Variants in NMNAT2 observed in about 807,000 individuals in gnomAD.
NMNAT2 encodes the protein nicotinamide/nicotinic acid mononucleotide adenylyltransferase 2.
A neutral mutation model predicts 41.6 loss-of-function variants in NMNAT2; 11 were observed. The observed-to-expected ratio is 0.26, with a 90% CI of 0.17 to 0.44. The LOEUF is 0.44. Among genes scored for constraint, NMNAT2 ranks in the 20% least tolerant of loss-of-function variants. The pLI is 1.00. For missense variants in NMNAT2, 288 were observed against 407.7 expected (o/e 0.71, Z 2.53); for synonymous variants, 148 against 151.2 (o/e 0.98, Z 0.16).
intron 1 of NMNAT2, among the ~76,000 whole-genome samples, chr1:183,335,832 G>A (rs1249417505): frequency 6.6e-6 from 1 of 152,170 alleles, no homozygotes; most frequent in Non-Finnish European, 1.5e-5. Context: ...TCTAACCAGT[G>A]CTTGACACAT....
intron 1 of NMNAT2, among the ~76,000 whole-genome samples, chr1:183,391,836 A>G (rs1002418051): frequency 3.3e-5 from 5 of 152,006 alleles, no homozygotes; most frequent in African/African-American, 1.2e-4. Flanking sequence ...TGCCCCCTAA[A>G]CACTGATGGC....
chr1:183,259,991 C>A (rs1660617978), intron 10 of NMNAT2, among the ~76,000 whole-genome samples: 1 of 152,194 alleles, frequency 6.6e-6, no homozygotes, highest in Non-Finnish European at 1.5e-5. Flanking sequence ...TTCACCATTC[C>A]ACTCAACATT....
intron 8 of NMNAT2, among the ~76,000 whole-genome samples, chr1:183,272,995 C>T (rs1366175747): frequency 6.6e-6 from 1 of 152,288 alleles, no homozygotes; most frequent in Admixed American, 6.5e-5. Context: ...ATTTTAAGTT[C>T]GGCCTAAAGA....
At chr1:183,311,112 C>T (rs1662108756) in intron 1 of NMNAT2, among the ~76,000 whole-genome samples, 1 of 152,168 alleles carries the variant, frequency 6.6e-6, no homozygotes, top group Non-Finnish European at 1.5e-5. Flanking sequence ...CAACTGTCTT[C>T]TTCCTTCACT....
At chr1:183,293,574 G>T in intron 2 of NMNAT2, 131 bp downstream of exon 2, 1 of 712,750 alleles carries the variant, frequency 1.4e-6, no homozygotes, top group Non-Finnish European at 2.5e-6. Flanking sequence ...ATAGACGCAT[G>T]GACCTGGGCA....
rs544937722 is a variant in NMNAT2 at position 183,306,386 on chromosome 1, T to G, written c.86-12593A>C. On this transcript the variant is annotated intron_variant, in intron 1 of 10. Coordinates refer to ENST00000287713, the MANE Select transcript of NMNAT2 (RefSeq NM_015039.4). ...AGAAAACATTCTTTGATTTTCAAAC[T>G]TCTATAAGATCATAAATTTGTATTG... Among the ~76,000 whole-genome samples, 4 of 152,334 alleles carry G rather than the reference T, an allele frequency of 2.6e-5. No homozygotes were observed. The South Asian group carries it at 8.3e-4, about 32-fold the overall frequency.
chr1:183,363,511 G>A (rs1663347189), intron 1 of NMNAT2, among the ~76,000 whole-genome samples: 1 of 151,794 alleles, frequency 6.6e-6, no homozygotes, highest in Non-Finnish European at 1.5e-5. Context: ...AGTCTAAAAG[G>A]CAGGGCCCCC....
intron 7 of NMNAT2, chr1:183,283,770 G>A: frequency 1.8e-6 from 1 of 554,222 alleles, no homozygotes; most frequent in Non-Finnish European, 3.3e-6. Flanking sequence ...ATCACCAAAT[G>A]ATCCAGTCCT....
intron 1 of NMNAT2, among the ~76,000 whole-genome samples, chr1:183,375,206 C>T (rs1663649836): frequency 6.6e-6 from 1 of 152,192 alleles, no homozygotes. Context: ...GAATTCTTCA[C>T]CATTAGCTAC....
chr1:183,330,673 T>G (rs1335759823), intron 1 of NMNAT2, among the ~76,000 whole-genome samples: 2 of 152,192 alleles, frequency 1.3e-5, no homozygotes, highest in African/African-American at 4.8e-5. Context: ...GCTACAAATG[T>G]TAAGCACAGT....
At chr1:183,254,175 A>C (rs771081128) in intron 10 of NMNAT2, among the ~76,000 whole-genome samples, 11 of 152,094 alleles carry the variant, frequency 7.2e-5, no homozygotes, top group Non-Finnish European at 1.5e-4. Flanking sequence ...TGTTTTCTAT[A>C]ACGGTTGTAC....
chr1:183,331,486 G>A (rs1571602861), intron 1 of NMNAT2, among the ~76,000 whole-genome samples: 1 of 152,142 alleles, frequency 6.6e-6, no homozygotes, highest in Admixed American at 6.5e-5. Flanking sequence ...TCCAACAAGG[G>A]GCAGCCAAGG....
At chr1:183,284,823 G>T (rs758639592) in intron 5 of NMNAT2, 33 bp from the exon 6 acceptor site, 2 of 1,585,712 alleles carry the variant, frequency 1.3e-6, no homozygotes, top group Non-Finnish European at 1.7e-6. Context: ...CAGGGACAGA[G>T]TGGGAGAGAA....
In NMNAT2 at chr1:183,248,463, C is replaced by T. The variant is rs934762402; in HGVS notation, c.*4178G>A. 6.6e-6 allele frequency: 1 copy of T among 152,580 alleles called. No individual in the cohort carries two copies. Among genetic ancestry groups the T allele is most frequent in the Non-Finnish European group, 1.5e-5 (1 of 68,022 alleles). The allele number at this position is 152,580 out of a possible 1,614,324, so 9.5% of individuals were successfully genotyped here. A position where few individuals can be genotyped will look rare whatever the true frequency, so the allele number is the denominator to read the frequency against. ...CGATTCAAAAAAGCTTCCCCCTCCT[C>T]ATGCCAACCCTCAAGACCATGTGGA... On this transcript the variant is annotated 3_prime_UTR_variant, in exon 11 of 11. Coordinates refer to ENST00000287713, the MANE Select transcript of NMNAT2 (RefSeq NM_015039.4).
intron 1 of NMNAT2, among the ~76,000 whole-genome samples, chr1:183,315,553 G>A (rs549669688): frequency 4.6e-5 from 7 of 152,088 alleles, no homozygotes; most frequent in Non-Finnish European, 1.5e-5. Context: ...GGAGGCCGAG[G>A]CGGGTGGATC....
intron 1 of NMNAT2, among the ~76,000 whole-genome samples, chr1:183,373,328 T>C (rs1424355045): frequency 1.3e-5 from 2 of 152,218 alleles, no homozygotes; most frequent in Non-Finnish European, 2.9e-5. Flanking sequence ...GAGGCCTGAT[T>C]GCAAAAGGGT....
intron 1 of NMNAT2, among the ~76,000 whole-genome samples, chr1:183,377,587 AC>A (rs1310466193): frequency 1.3e-5 from 2 of 152,202 alleles, no homozygotes; most frequent in African/African-American, 2.4e-5. Flanking sequence ...CCAACCTCTG[AC>A]TAAATTAACA....
intron 1 of NMNAT2, among the ~76,000 whole-genome samples, chr1:183,319,435 A>C (rs530728996): frequency 2.0e-5 from 3 of 152,354 alleles, no homozygotes; most frequent in African/African-American, 7.2e-5. Context: ...TAGAAAACCC[A>C]AGAACTGCCC....
intron 1 of NMNAT2, chr1:183,304,723 A>G: frequency 6.2e-7 from 1 of 1,614,048 alleles, no homozygotes; most frequent in Non-Finnish European, 8.5e-7. Context: ...AATTTCCTCT[A>G]GTTCCTGGAT....
Sources: gnomAD v4.1 joint callset for allele counts (sites outside exome capture counted in the v4.1 genomes callset) on GRCh38, gnomAD v4.1.1 for gene constraint, MANE v1.5 for transcripts, NCBI Gene and HGNC (gene_info 2026-07-23, HGNC 2026-07-21) for gene names.